The following CAPN12 variants were observed in gnomAD, a reference collection of about 807,000 sequenced individuals.
The protein encoded by CAPN12 is calpain-12.
Under a neutral mutation model 95.0 loss-of-function variants are expected in CAPN12, and 107 were observed. The ratio of observed to expected loss-of-function variants is 1.13; its 90% CI spans 0.96 to 1.32. The LOEUF is 1.32. Among genes scored for constraint, CAPN12 ranks in the 40% most tolerant of loss-of-function variants. The pLI is 0.00. For missense variants in CAPN12, 1,136 were observed against 997.8 expected (o/e 1.14, Z -1.87); for synonymous variants, 505 against 415.5 (o/e 1.22, Z -2.62).
At chr19:38,736,759 C>T in intron 10 of CAPN12, 196 bp from the exon 11 acceptor site, 1 of 664,328 alleles carries the variant, frequency 1.5e-6, no homozygotes, top group African/African-American at 1.8e-5. Context: ...CCCATCTGCG[C>T]TCCCAGCGCC....
chr19:38,738,862 G>T, intron 5 of CAPN12: 1 of 592,054 alleles, frequency 1.7e-6, no homozygotes, highest in South Asian at 2.0e-5. Flanking sequence ...ATGGAGGTAC[G>T]GGCTCACGCC....
chr19:38,730,496 A>C lies in CAPN12; in HGVS notation c.*356T>G. On this transcript the variant is annotated 3_prime_UTR_variant, in exon 21 of 21. Coordinates refer to ENST00000328867, the MANE Select transcript of CAPN12 (RefSeq NM_144691.4). ...TTTCTGGATAAACCACCCTCTGGGG[A>C]CAGGATAATAAAACATGTAATATTT... is the stretch of plus-strand genomic sequence containing the variant. 3.5e-6 allele frequency: 1 copy of C among 289,776 alleles called. No individual in the cohort carries two copies. Among genetic ancestry groups the C allele is most frequent in the Non-Finnish European group, 6.6e-6 (1 of 152,094 alleles). 18.0% of individuals were successfully genotyped at this position (289,776 alleles called of 1,614,324 possible). A position where few individuals can be genotyped will look rare whatever the true frequency, so the allele number is the denominator to read the frequency against.
chr19:38,733,721 G>A lies in CAPN12; in HGVS notation c.1939C>T (p.Leu647=). The change falls in exon 18 of 21, where the codon CTG becomes TTG. Residue 647 remains leucine, a synonymous_variant. Transcript: ENST00000328867. ...TCCACACCTGCTGCATTCAGTGCCA[G>A]CCTCAGCTCGTAGGAGTTCATGGTT... ...SGTMNSYELR[L]ALNAAGFHLN... The A allele has an allele frequency of 1.2e-6, 2 of 1,613,602 alleles. No homozygotes were observed. Among genetic ancestry groups the A allele is most frequent in the Non-Finnish European group, 1.7e-6 (2 of 1,179,950 alleles).
In CAPN12 at chr19:38,730,749, A is replaced by G. The variant is rs889275996; in HGVS notation, c.*103T>C. 1 of 1,410,656 alleles carries G rather than the reference A, an allele frequency of 7.1e-7. No individual in the cohort carries two copies. The allele number at this position is 1,410,656 out of a possible 1,614,324, so 87.4% of individuals were successfully genotyped here. On this transcript the variant is annotated 3_prime_UTR_variant, in exon 21 of 21. Transcript: ENST00000328867. ...TGAGGGCCAGAGACTAGCCCCAGAC[A>G]GGTGGATGCCAGAGAGAGTGGCACC... is the stretch of plus-strand genomic sequence containing the variant.
chr19:38,740,942 G>A (rs2145255116), intron 4 of CAPN12, among the ~76,000 whole-genome samples: 1 of 152,246 alleles, frequency 6.6e-6, no homozygotes, highest in East Asian at 1.9e-4. Flanking sequence ...AGAATTCTGA[G>A]AGTCCTGGTG....
intron 1 of CAPN12, 61 bp from the exon 2 acceptor site, chr19:38,743,163 A>G: frequency 6.3e-7 from 1 of 1,593,254 alleles, no homozygotes; most frequent in Non-Finnish European, 8.6e-7. Flanking sequence ...TCTCATCCAG[A>G]GGAGTGAGGG....
chr19:38,730,444 T>G lies in CAPN12; in HGVS notation c.*408A>C. 2.5e-5 allele frequency: 5 copies of G among 198,162 alleles called. No individual in the cohort carries two copies. Among genetic ancestry groups the G allele is most frequent in the Admixed American group, 5.5e-5 (1 of 18,344 alleles). 12.3% of individuals were successfully genotyped at this position (198,162 alleles called of 1,614,324 possible). A position where few individuals can be genotyped will look rare whatever the true frequency, so the allele number is the denominator to read the frequency against. ...GCTCCCCCTACCTTTTTTTTTTGAG[T>G]TTATTCTGATTGATTTTTTTTCTTG... On this transcript the variant is annotated 3_prime_UTR_variant, in exon 21 of 21. Transcript: ENST00000328867.
rs758420600 is a variant in CAPN12 at position 38,743,051 on chromosome 19, C to G, written c.289G>C (p.Val97Leu). Residue 97 changes from valine (V) to leucine (L), a missense_variant, in exon 2 of 21, where the codon GTG (valine) becomes CTG (leucine). Physicochemically the swap from Val to Leu is conservative, Grantham distance 32. Coordinates refer to ENST00000328867, the MANE Select transcript of CAPN12 (RefSeq NM_144691.4). ...GTCTCACCCAGGCTCCCCTGACACA[C>G]GTCTGTGCGGCTCATGTCTTCACAG... ...FICEDMSRTD[V>L]CQGSLGNCWF... The G allele has an allele frequency of 6.2e-7, 1 of 1,613,972 alleles. No individual in the cohort carries two copies. The highest frequency in any genetic ancestry group is 1.3e-5 in the African/African-American group (1 of 74,982).
At chr19:38,742,098 G>A in intron 3 of CAPN12, 188 bp from the exon 4 acceptor site, 1 of 734,042 alleles carries the variant, frequency 1.4e-6, no homozygotes, top group Non-Finnish European at 2.2e-6. Flanking sequence ...GGCCGAGGCG[G>A]ATGGATCACG....
rs998962308 is a variant in CAPN12 at position 38,730,318 on chromosome 19, T to C, written c.*534A>G. On this transcript the variant is annotated 3_prime_UTR_variant, in exon 21 of 21. Transcript: ENST00000328867. ...ATAGCCGATTCTCTGCCCGGGCCCC[T>C]TGCTGATGCTCCTCCGGGTCTGCGT... is the stretch of plus-strand genomic sequence containing the variant. 3 of 164,462 alleles carry C rather than the reference T, an allele frequency of 1.8e-5. No homozygotes were observed. The highest frequency in any genetic ancestry group is 1.7e-4 in the Admixed American group (3 of 17,398). 10.2% of individuals were successfully genotyped at this position (164,462 alleles called of 1,614,324 possible).
intron 2 of CAPN12, 136 bp downstream of exon 2, chr19:38,742,897 G>A: frequency 1.6e-6 from 1 of 620,384 alleles, no homozygotes; most frequent in Non-Finnish European, 2.7e-6. Flanking sequence ...AGGGAGGAGG[G>A]AGAGAGAGGC....
chr19:38,735,526 G>A lies in CAPN12; in HGVS notation c.1602C>T (p.Ile534=), dbSNP rs267605468. 2.5e-6 allele frequency: 4 copies of A among 1,610,778 alleles called. No homozygotes were observed. In the South Asian group the frequency reaches 4.4e-5, roughly 18 times the overall value. The change falls in exon 13 of 21, where the codon ATC becomes ATT. Residue 534 remains isoleucine, a synonymous_variant. Transcript: ENST00000328867. ...CCTGGAGAGACTGCAGGTCTGCGCT[G>A]ATCACGTCGTCGATCTCCCTGCAAA... ...RHTAVEIDDV[I]SADLQSLQGP...
At chr19:38,737,100 C>T in intron 10 of CAPN12, 56 bp downstream of exon 10, 1 of 1,330,364 alleles carries the variant, frequency 7.5e-7, no homozygotes, top group African/African-American at 1.5e-5. Context: ...CTTGGCCCGG[C>T]CCCGCCCCTC....
At position 38,734,148 on chromosome 19, in the gene CAPN12, C is replaced by T. The variant is rs762745465; in HGVS notation, c.1872G>A (p.Glu624=). 2 of 1,612,890 alleles carry T rather than the reference C, an allele frequency of 1.2e-6. No individual in the cohort carries two copies. The highest frequency in any genetic ancestry group is 1.1e-5 in the South Asian group (1 of 91,086). The change falls in exon 17 of 21, where the codon GAG becomes GAA. Residue 624 remains glutamate (E), a synonymous_variant. Coordinates refer to ENST00000328867, the MANE Select transcript of CAPN12 (RefSeq NM_144691.4). Reference sequence around the variant, plus strand: ...GCCCAGTCTCCCACCTCACCTGCCACTCCAGGAGGTAGCCCCAGAGCTGCT... The same window carrying T: ...GCCCAGTCTCCCACCTCACCTGCCATTCCAGGAGGTAGCCCCAGAGCTGCT... ...HFQQLWGYLL[E]WQAIFNKFDE...
chr19:38,744,102 C>T lies in CAPN12; in HGVS notation c.64G>A (p.Gly22Arg), dbSNP rs565347573. 3.5e-5 allele frequency: 57 copies of T among 1,614,148 alleles called. No homozygotes were observed. The Middle Eastern group carries it at 1.5e-3, about 42-fold the overall frequency. Residue 22 changes from glycine (G) to arginine (R), a missense_variant, in exon 1 of 21, where the codon GGG becomes AGG. Gly to Arg is a moderately radical substitution (Grantham distance 125, BLOSUM62 -2). Transcript: ENST00000328867. ...LVDEEAGVGA[G>R]RLQLFRGQSY... ...TGGCCCCGAAAAAGCTGCAGGCGCC[C>T]GGCTCCGACCCCAGCCTCCTCATCC...
intron 4 of CAPN12, among the ~76,000 whole-genome samples, chr19:38,740,788 G>A (rs1970501351): frequency 1.4e-5 from 2 of 143,286 alleles, no homozygotes; most frequent in African/African-American, 5.2e-5. Flanking sequence ...CAACAAGAGT[G>A]AAACTCCATC....
At position 38,730,961 on chromosome 19, in the gene CAPN12, T is replaced by C; in HGVS notation, c.2133+4A>G. 1 of 1,550,590 alleles carries C rather than the reference T, an allele frequency of 6.4e-7. No individual in the cohort carries two copies. Among genetic ancestry groups the C allele is most frequent in the Admixed American group, 2.0e-5 (1 of 51,030 alleles). On this transcript the variant is annotated splice_donor_region_variant and intron_variant, in intron 20 of 20. Transcript: ENST00000328867. ...AGCCACCCTGTCCCTCCCACCTGGC[T>C]CACCTGTCTGTGGGTCAGGCAGATG...
In CAPN12 at chr19:38,737,198, G is replaced by C; in HGVS notation, c.1320C>G (p.Ala440=). The part of the protein sequence containing the change: ...LIQRNRRRLR[A]KGLTYLTVGF... ...CAACGGTGAGGTAAGTGAGGCCCTT[G>C]GCTCTCAGGCGCCGCCGGTTGCGCT... Residue 440 remains alanine (A), a synonymous_variant, in exon 10 of 21, where the codon GCC becomes GCG. Coordinates refer to ENST00000328867, the MANE Select transcript of CAPN12 (RefSeq NM_144691.4). 1 of 1,549,120 alleles carries C rather than the reference G, an allele frequency of 6.5e-7. No homozygotes were observed. The highest frequency in any genetic ancestry group is 8.7e-7 in the Non-Finnish European group (1 of 1,147,618).
chr19:38,737,180 G>A lies in CAPN12; in HGVS notation c.1338C>T (p.Leu446=). 1 of 1,548,008 alleles carries A rather than the reference G, an allele frequency of 6.5e-7. No homozygotes were observed. The change falls in exon 10 of 21, where the codon CTC becomes CTT. Residue 446 remains leucine (L), a synonymous_variant. Transcript: ENST00000328867. ...RRLRAKGLTY[L]TVGFHVFQIP... is the part of the protein sequence containing the mutation. Reference sequence around the variant, plus strand: ...CCTGGAACACGTGGAAGCCAACGGTGAGGTAAGTGAGGCCCTTGGCTCTCA... The same window carrying A: ...CCTGGAACACGTGGAAGCCAACGGTAAGGTAAGTGAGGCCCTTGGCTCTCA...
Sources: allele counts gnomAD v4.1 joint callset (sites outside exome capture counted in the v4.1 genomes callset), GRCh38; gene constraint gnomAD v4.1.1; transcripts MANE v1.5; gene names NCBI Gene and HGNC (gene_info 2026-07-23, HGNC 2026-07-21).